Variants in ARID1A observed in about 807,000 individuals in gnomAD.
The protein encoded by ARID1A is AT-rich interaction domain 1A.
ARID1A carries 20 observed loss-of-function variants against 212.6 expected under a neutral mutation model. The observed-to-expected ratio is 0.09, with a 90% CI of 0.07 to 0.14. The LOEUF is 0.14. Ranked by LOEUF, ARID1A falls within the 10% of genes least tolerant of loss-of-function variation. The probability of loss-of-function intolerance (pLI) is 1.00; values close to 1 mark genes in which losing one functional copy is unlikely to be tolerated. For missense variants in ARID1A, 2,587 were observed against 3,059.0 expected (o/e 0.85, Z 3.64); for synonymous variants, 1,376 against 1,222.1 (o/e 1.13, Z -2.63).
In ARID1A at chr1:26,779,928, C is replaced by A. The variant is rs1305325019; in HGVS notation, c.6030C>A (p.Ile2010=). 6.2e-7 allele frequency: 1 copy of A among 1,614,162 alleles called. No individual in the cohort carries two copies. The highest frequency in any genetic ancestry group is 8.5e-7 in the Non-Finnish European group (1 of 1,180,024). ...CCAAACACCCAGGGCTGCTGCTCAT[C>A]CTGGGCAAGCTGATCCTGCTGCACC... is the stretch of plus-strand genomic sequence containing the variant. ...EMSKHPGLLL[I]LGKLILLHHK... The change falls in exon 20 of 20, where the codon ATC becomes ATA. Residue 2010 remains isoleucine (I), a synonymous_variant. Coordinates refer to ENST00000324856, the MANE Select transcript of ARID1A (RefSeq NM_006015.6).
rs182901747 is a variant in ARID1A, at chr1:26,772,368, A to T, written c.3407-132A>T. 6,080 of 1,330,690 alleles carry T rather than the reference A, an allele frequency of 4.6e-3. 30 individuals carry two copies. The highest frequency in any genetic ancestry group is 5.8e-3 in the Non-Finnish European group (5,536 of 959,660). The allele number at this position is 1,330,690 out of a possible 1,614,324, so 82.4% of individuals were successfully genotyped here. On this transcript the variant is annotated intron_variant, in intron 12 of 19. Transcript: ENST00000324856. Reference sequence around the variant, plus strand: ...GACCTGGCCTTGTAGATCCTCTGCTAAGAAGGGTGATCAGGCTTTAAAGGC... The same window carrying T: ...GACCTGGCCTTGTAGATCCTCTGCTTAGAAGGGTGATCAGGCTTTAAAGGC...
At chr1:26,749,848 C>T (rs1195039094) in intron 4 of ARID1A, among the ~76,000 whole-genome samples, 3 of 152,140 alleles carry the variant, frequency 2.0e-5, no homozygotes, top group Non-Finnish European at 2.9e-5. Context: ...CTCTTGATAC[C>T]AGCACCCAAG....
At position 26,697,580 on chromosome 1, in the gene ARID1A, T is replaced by G. The variant is rs894922569; in HGVS notation, c.1137+40T>G. 1.6e-5 allele frequency: 20 copies of G among 1,282,030 alleles called. No homozygotes were observed. In the African/African-American group the frequency reaches 2.5e-4, roughly 16 times the overall value. 79.4% of individuals were successfully genotyped at this position (1,282,030 alleles called of 1,614,324 possible). The stretch of plus-strand genomic sequence containing the variant: ...GGGGAGGGGGCTGGGGCGAGCGTGG[T>G]CCTGGGGGTGGGTGGCGGCTGCGGT... On this transcript the variant is annotated intron_variant, in intron 1 of 19. Coordinates refer to ENST00000324856, the MANE Select transcript of ARID1A (RefSeq NM_006015.6).
chr1:26,750,626 C>A (rs1472169858), intron 4 of ARID1A, among the ~76,000 whole-genome samples: 1 of 151,844 alleles, frequency 6.6e-6, no homozygotes, highest in Non-Finnish European at 1.5e-5. Context: ...CATCTAGAGG[C>A]CAGGAATATC....
chr1:26,761,068 A>T lies in ARID1A; in HGVS notation c.2133A>T (p.Ser711=), dbSNP rs754127903. 6.2e-7 allele frequency: 1 copy of T among 1,614,112 alleles called. No individual in the cohort carries two copies. Among genetic ancestry groups the T allele is most frequent in the Non-Finnish European group, 8.5e-7 (1 of 1,180,016 alleles). Residue 711 remains serine, a synonymous_variant, in exon 5 of 20, where the codon TCA becomes TCT. Coordinates refer to ENST00000324856, the MANE Select transcript of ARID1A (RefSeq NM_006015.6). ...GSPASVAQSR[S]GPLSPAAVPG... ...CCGCCAGTGTTGCTCAGTCTCGCTC[A>T]GGACCACTCTCGCCTGCTGCAGTGC...
At chr1:26,761,343 C>T in intron 5 of ARID1A, 41 bp from the exon 6 acceptor site, 1 of 1,608,216 alleles carries the variant, frequency 6.2e-7, no homozygotes, top group Non-Finnish European at 8.5e-7. Context: ...AATTCCCAGG[C>T]TTAGCCATGA....
chr1:26,761,476 G>A lies in ARID1A; in HGVS notation c.2251+3G>A, dbSNP rs1285320094. 1 of 1,614,116 alleles carries A rather than the reference G, an allele frequency of 6.2e-7. No homozygotes were observed. Among genetic ancestry groups the A allele is most frequent in the South Asian group, 1.1e-5 (1 of 91,078 alleles). On this transcript the variant is annotated splice_donor_region_variant and intron_variant, in intron 6 of 19. Transcript: ENST00000324856. Reference sequence around the variant, plus strand: ...ATCAAGCATTGCCCAAGATCGAGGTGAGAGCCTGGGTGTTGGGGAGGGGCA... The same window carrying A: ...ATCAAGCATTGCCCAAGATCGAGGTAAGAGCCTGGGTGTTGGGGAGGGGCA...
intron 14 of ARID1A, 56 bp downstream of exon 14, chr1:26,773,043 TGGG>T: frequency 6.4e-7 from 1 of 1,564,684 alleles, no homozygotes; most frequent in Non-Finnish European, 8.7e-7. Context: ...GCCAGTGAAA[TGGG>T]GGGAAATCTT....
chr1:26,767,185 A>C (rs991418034), intron 10 of ARID1A, among the ~76,000 whole-genome samples: 1 of 152,218 alleles, frequency 6.6e-6, no homozygotes, highest in Non-Finnish European at 1.5e-5. Context: ...AATTCCTGTG[A>C]GTCTTCACCT....
At chr1:26,775,267 C>G (rs2081124233) in intron 18 of ARID1A, 47 bp downstream of exon 18, 1 of 1,527,072 alleles carries the variant, frequency 6.5e-7, no homozygotes, top group South Asian at 1.3e-5. Context: ...CCCTTTCCAT[C>G]TTGTCCATTG....
At chr1:26,770,932 A>G in intron 11 of ARID1A, 187 bp from the exon 12 acceptor site, 2 of 604,994 alleles carry the variant, frequency 3.3e-6, no homozygotes, top group East Asian at 2.8e-5. Flanking sequence ...TCCTGAGGGT[A>G]AAATGAAGCC....
chr1:26,760,781 C>A lies in ARID1A; in HGVS notation c.1921-75C>A, dbSNP rs995061664. The A allele has an allele frequency of 1.8e-5, 27 of 1,459,666 alleles. No homozygotes were observed. In the African/African-American group the frequency reaches 3.1e-4, roughly 17 times the overall value. The allele number at this position is 1,459,666 out of a possible 1,614,324, so 90.4% of individuals were successfully genotyped here. ...TTGGTTGTTTAAGGAAAATGCTAAGCAAGTAGTAGGATTATTGAAAGTAGA... is the reference window on the plus strand; with the variant it reads ...TTGGTTGTTTAAGGAAAATGCTAAGAAAGTAGTAGGATTATTGAAAGTAGA... On this transcript the variant is annotated intron_variant, in intron 4 of 19. Coordinates refer to ENST00000324856, the MANE Select transcript of ARID1A (RefSeq NM_006015.6).
At chr1:26,724,338 T>C (rs2080596226) in intron 1 of ARID1A, among the ~76,000 whole-genome samples, 1 of 152,200 alleles carries the variant, frequency 6.6e-6, no homozygotes, top group Non-Finnish European at 1.5e-5. Flanking sequence ...TGTTGAGTAC[T>C]AAATTTAGCT....
In ARID1A at chr1:26,729,841, G is replaced by A. The variant is rs2124785746; in HGVS notation, c.1328G>A (p.Gly443Asp). The A allele has an allele frequency of 6.2e-7, 1 of 1,614,156 alleles. No homozygotes were observed. Residue 443 changes from glycine to aspartate, a missense_variant, in exon 2 of 20, where the codon GGC becomes GAC. Transcript: ENST00000324856. ...CAGGGCCGGGCGCAGAGTGCCATGG[G>A]CGGCCTCTCTTATACACAGCAGGTA... ...TMQGRAQSAM[G>D]GLSYTQQIPP...
At position 26,696,348 on chromosome 1, in the gene ARID1A, G is replaced by A. The variant is rs942432618; in HGVS notation, c.-56G>A. ...ACTGGGCCCCGGGGCGGGGTGGGAGGGGGGGAGAAGACGAAGACAGGGCCG... is the reference window on the plus strand; with the variant it reads ...ACTGGGCCCCGGGGCGGGGTGGGAGAGGGGGAGAAGACGAAGACAGGGCCG... On this transcript the variant is annotated 5_prime_UTR_variant, in exon 1 of 20. Coordinates refer to ENST00000324856, the MANE Select transcript of ARID1A (RefSeq NM_006015.6). 44 of 1,213,532 alleles carry A rather than the reference G, an allele frequency of 3.6e-5. No homozygotes were observed. The highest frequency in any genetic ancestry group is 3.2e-4 in the Middle Eastern group (1 of 3,104). The allele number at this position is 1,213,532 out of a possible 1,614,324, so 75.2% of individuals were successfully genotyped here.
chr1:26,708,266 CTTTTTTTTTTTTTTTTTTTTTTT>C (rs397860721), intron 1 of ARID1A, among the ~76,000 whole-genome samples: 12 of 23,740 alleles, frequency 5.1e-4, no homozygotes, highest in Admixed American at 1.8e-3. Context: ...CAGTCCTTCA[CTTTTTTTTTTTTTTTTTTTTTTT>C]TTTTTTTTTT....
chr1:26,726,685 T>G (rs2080622920), intron 1 of ARID1A, among the ~76,000 whole-genome samples: 2 of 152,246 alleles, frequency 1.3e-5, no homozygotes, highest in South Asian at 4.1e-4. Context: ...TAGGACAGCA[T>G]TGCACATTGA....
At chr1:26,778,940 C>A (rs2081163076) in intron 19 of ARID1A, 83 bp from the exon 20 acceptor site, 1 of 1,357,674 alleles carries the variant, frequency 7.4e-7, no homozygotes, top group Non-Finnish European at 9.9e-7. Context: ...ATACAGAAGA[C>A]TTGGGGAGGT....
chr1:26,710,528 C>CACACACACACACACACACACACACACACA (rs1553147494), intron 1 of ARID1A, among the ~76,000 whole-genome samples: 3 of 148,190 alleles, frequency 2.0e-5, no homozygotes, highest in African/African-American at 7.6e-5. Context: ...CACACACACA[C>CACACACACACACACACACACACACACACA]CACTTGTTGT....
Sources: gnomAD v4.1 joint callset for allele counts (sites outside exome capture counted in the v4.1 genomes callset) on GRCh38, gnomAD v4.1.1 for gene constraint, MANE v1.5 for transcripts, NCBI Gene and HGNC (gene_info 2026-07-23, HGNC 2026-07-21) for gene names.